Variants in CIT observed in about 807,000 individuals in gnomAD.
CIT encodes the protein citron rho-interacting serine/threonine kinase.
Under a neutral mutation model 272.7 loss-of-function variants are expected in CIT, and 79 were observed. The ratio of observed to expected loss-of-function variants is 0.29; its 90% CI spans 0.24 to 0.35. The LOEUF (loss-of-function observed/expected upper bound fraction) is 0.35. CIT is among the 10% of genes least tolerant of loss of function. The pLI is 1.00. For synonymous variants in CIT, 948 were observed against 995.6 expected (o/e 0.95, Z 0.90); for missense variants, 1,909 against 2,618.3 (o/e 0.73, Z 5.91).
At chr12:119,779,789 C>T (rs537457789) in intron 13 of CIT, among the ~76,000 whole-genome samples, 2 of 152,270 alleles carry the variant, frequency 1.3e-5, no homozygotes, top group East Asian at 1.9e-4. Context: ...TCCAAGCTCT[C>T]GGGGCACCCA....
chr12:119,866,679 A>G (rs1432471574), intron 3 of CIT, among the ~76,000 whole-genome samples: 1 of 151,988 alleles, frequency 6.6e-6, no homozygotes, highest in African/African-American at 2.4e-5. Flanking sequence ...ATTAGCCATT[A>G]GTGGTGGCAT....
chr12:119,825,497 G>A (rs912205686), intron 7 of CIT, 129 bp from the exon 8 acceptor site: 3 of 740,214 alleles, frequency 4.1e-6, no homozygotes, highest in Non-Finnish European at 6.5e-6. Flanking sequence ...TAAACCAGCT[G>A]TCAAGTGGCA....
intron 10 of CIT, among the ~76,000 whole-genome samples, chr12:119,798,123 T>C (rs558836852): frequency 1.3e-5 from 2 of 152,084 alleles, no homozygotes; most frequent in East Asian, 3.9e-4. Context: ...AGTCTCTAAA[T>C]GAAAAGAGGA....
rs536696738 is a variant in CIT, at chr12:119,713,137, G to A, written c.4579+66C>T. ...AGGCAGTCCAAAAAACAAAGCCTTC[G>A]CGCCAGCACTGGGGAGACCTGGGTT... On this transcript the variant is annotated intron_variant, in intron 35 of 47. Coordinates refer to ENST00000392521, the MANE Select transcript of CIT (RefSeq NM_001206999.2). The surrounding 1 kb of genome is among the most constrained non-coding windows in gnomAD (Gnocchi z 5.2). 8.7e-5 allele frequency: 105 copies of A among 1,207,674 alleles called. 1 individual carries two copies. The East Asian group carries it at 1.9e-3, about 22-fold the overall frequency. 74.8% of individuals were successfully genotyped at this position (1,207,674 alleles called of 1,614,324 possible). A position where few individuals can be genotyped will look rare whatever the true frequency, so the allele number is the denominator to read the frequency against.
intron 5 of CIT, among the ~76,000 whole-genome samples, chr12:119,843,111 G>C (rs1282441203): frequency 6.6e-6 from 1 of 152,192 alleles, no homozygotes; most frequent in Non-Finnish European, 1.5e-5. Flanking sequence ...GAGTTAGCAA[G>C]GTGAACAGGG....
Position 119,728,572 on chromosome 12 carries a change from T to C in CIT, c.3521A>G (p.Glu1174Gly), listed in dbSNP as rs1254983659. 1 of 1,613,776 alleles carries C rather than the reference T, an allele frequency of 6.2e-7. No individual in the cohort carries two copies. Among genetic ancestry groups the C allele is most frequent in the Non-Finnish European group, 8.5e-7 (1 of 1,179,722 alleles). ...CTGCTGTAAGCTTCGGGCATTCATT[T>C]CAAGCATAGCATGCTTCTTCTCCAG... ...NDLEKKHAML[E>G]MNARSLQQKL... The change falls in exon 28 of 48, where the codon GAA becomes GGA. Residue 1174 changes from glutamate to glycine, a missense_variant. Glu to Gly is a moderately conservative substitution (Grantham distance 98). Transcript: ENST00000392521. The surrounding 1 kb of genome is among the most constrained non-coding windows in gnomAD (Gnocchi z 4.3).
intron 32 of CIT, among the ~76,000 whole-genome samples, chr12:119,715,052 G>A (rs549329587): frequency 9.6e-4 from 146 of 152,150 alleles, no homozygotes; most frequent in Non-Finnish European, 1.7e-3. Context: ...TCATGCGGGT[G>A]GTTTCCCCCA....
intron 7 of CIT, among the ~76,000 whole-genome samples, chr12:119,831,595 C>G (rs1830487588): frequency 6.6e-6 from 1 of 152,170 alleles, no homozygotes; most frequent in Non-Finnish European, 1.5e-5. Context: ...AAGAGCCGGG[C>G]GCAGTGGCTT....
At chr12:119,702,088 T>G in intron 41 of CIT, 130 bp from the exon 42 acceptor site, 3 of 678,226 alleles carry the variant, frequency 4.4e-6, no homozygotes, top group Non-Finnish European at 7.6e-6. Context: ...TTGTTCACGT[T>G]GTCATAGAGA....
At chr12:119,700,485 C>G (rs1280769245) in intron 44 of CIT, among the ~76,000 whole-genome samples, 1 of 152,140 alleles carries the variant, frequency 6.6e-6, no homozygotes, top group Non-Finnish European at 1.5e-5. Context: ...TGGGTTCAAG[C>G]AATTCTCCTG....
At chr12:119,872,079 A>G (rs1259913295) in intron 2 of CIT, among the ~76,000 whole-genome samples, 1 of 152,064 alleles carries the variant, frequency 6.6e-6, no homozygotes, top group Non-Finnish European at 1.5e-5. Flanking sequence ...TGAACACCAC[A>G]TGATATCTTT....
Position 119,776,684 on chromosome 12 carries a change from A to G in CIT, c.1824T>C (p.His608=). 1.9e-6 allele frequency: 3 copies of G among 1,613,744 alleles called. No individual in the cohort carries two copies. The highest frequency in any genetic ancestry group is 2.5e-6 in the Non-Finnish European group (3 of 1,179,926). ...EFKRKATECQ[H]KLLKAKDQGK... is the part of the protein sequence containing the mutation. The stretch of plus-strand genomic sequence containing the variant: ...GGTGGCTGACTACCTTCAACAGTTT[A>G]TGCTGACATTCTGTCGCTTTCCGCT... The change falls in exon 14 of 48, where the codon CAT becomes CAC. Residue 608 remains histidine (H), a synonymous_variant. Coordinates refer to ENST00000392521, the MANE Select transcript of CIT (RefSeq NM_001206999.2).
At chr12:119,847,353 G>A (rs1969885634) in intron 5 of CIT, among the ~76,000 whole-genome samples, 1 of 152,166 alleles carries the variant, frequency 6.6e-6, no homozygotes, top group African/African-American at 2.4e-5. Context: ...CAGCACTTTG[G>A]GAGGCCAAGA....
intron 28 of CIT, among the ~76,000 whole-genome samples, chr12:119,724,752 A>T (rs1220925329): frequency 6.6e-6 from 1 of 152,048 alleles, no homozygotes; most frequent in African/African-American, 2.4e-5. Flanking sequence ...ATCCTGGCCA[A>T]CGTGGTGAAA....
In CIT at chr12:119,822,937, TG is replaced by T; in HGVS notation, c.993del (p.Ser331ArgfsTer7). ...FLKFPDDPKV[S>X]SDFLDLIQSL... ...CTTTGAATCAGATCAAGAAAGTCAC[TG>T]CTCACTTTGGGGTCATCTGGAAATT... On this transcript the variant is annotated frameshift_variant, in exon 9 of 48. Transcript: ENST00000392521. LOFTEE classifies it high-confidence loss of function. The T allele has an allele frequency of 6.2e-7, 1 of 1,613,916 alleles. No homozygotes were observed. The highest frequency in any genetic ancestry group is 8.5e-7 in the Non-Finnish European group (1 of 1,179,968).
rs2137073052 is a variant in CIT, at chr12:119,713,368, G to T, written c.4488-74C>A. ...ATCCGGCTGGAGGATAGGATGAGGGGGTGGCAGAGTTCCTAGAAAAGACAC... is the reference window on the plus strand; with the variant it reads ...ATCCGGCTGGAGGATAGGATGAGGGTGTGGCAGAGTTCCTAGAAAAGACAC... On this transcript the variant is annotated intron_variant, in intron 34 of 47. Coordinates refer to ENST00000392521, the MANE Select transcript of CIT (RefSeq NM_001206999.2). The surrounding 1 kb of genome is among the most constrained non-coding windows in gnomAD (Gnocchi z 5.2). The T allele has an allele frequency of 7.6e-6, 12 of 1,576,916 alleles. No homozygotes were observed. The highest frequency in any genetic ancestry group is 9.6e-6 in the Non-Finnish European group (11 of 1,149,782).
chr12:119,868,226 A>G (rs1950569903), intron 3 of CIT, among the ~76,000 whole-genome samples: 1 of 152,240 alleles, frequency 6.6e-6, no homozygotes, highest in South Asian at 2.1e-4. Flanking sequence ...TGTCTCCAAA[A>G]AAAACAAAAA....
rs986241912 is a variant in CIT, at chr12:119,809,007, G to C, written c.1112-5618C>G. Among the ~76,000 whole-genome samples, 58 of 152,302 alleles carry C rather than the reference G, an allele frequency of 3.8e-4. 1 individual carries two copies. Among genetic ancestry groups the C allele is most frequent in the Non-Finnish European group, 3.1e-4 (21 of 68,016 alleles). On this transcript the variant is annotated intron_variant, in intron 9 of 47. Transcript: ENST00000392521. The stretch of plus-strand genomic sequence containing the variant: ...GGCTGATGGCAAGTTTTGCCAGTGG[G>C]GAATGCAGTACTTTTTTGCAAGTTC...
chr12:119,832,117 C>T (rs1368708387), intron 7 of CIT, among the ~76,000 whole-genome samples: 1 of 152,108 alleles, frequency 6.6e-6, no homozygotes, highest in Non-Finnish European at 1.5e-5. Flanking sequence ...TAGACCTATC[C>T]TTTTTTGCGG....
Sources: allele counts gnomAD v4.1 joint callset (sites outside exome capture counted in the v4.1 genomes callset), GRCh38; gene constraint gnomAD v4.1.1; non-coding constraint Gnocchi (gnomAD v3.1); transcripts MANE v1.5; gene names NCBI Gene and HGNC (gene_info 2026-07-23, HGNC 2026-07-21).